Variants in TMEM156 observed in about 807,000 individuals in gnomAD.
The protein encoded by TMEM156 is transmembrane protein 156.
Under a neutral mutation model 30.5 loss-of-function variants are expected in TMEM156, and 28 were observed. That is an observed-to-expected ratio of 0.92 (90% CI 0.68 to 1.26). The LOEUF is 1.26. Ranked by LOEUF, TMEM156 falls within the 50% of genes most tolerant of loss-of-function variation. The probability of loss-of-function intolerance (pLI) is 0.00; values close to 1 mark genes in which losing one functional copy is unlikely to be tolerated. For synonymous variants in TMEM156, 137 were observed against 119.9 expected, an observed-to-expected ratio of 1.14 and a Z score of -0.93; for missense variants, 351 against 340.6, an observed-to-expected ratio of 1.03 and a Z score of -0.24.
At chr4:38,996,578 A>G (rs564514524) in intron 2 of TMEM156, among the ~76,000 whole-genome samples, 1 of 152,202 alleles carries the variant, frequency 6.6e-6, no homozygotes, top group Admixed American at 6.5e-5. Context: ...TCTCAAAAAG[A>G]AAAGAAAAGA....
chr4:39,027,004 T>G (rs6817780), intron 1 of TMEM156, among the ~76,000 whole-genome samples: 1,551 of 152,334 alleles, frequency 0.01, 29 homozygotes, highest in African/African-American at 0.036. Context: ...TCTAGTTTTA[T>G]TCCTTCTTTC....
At chr4:38,971,881 C>T (rs1352897274) in intron 5 of TMEM156, among the ~76,000 whole-genome samples, 2 of 151,992 alleles carry the variant, frequency 1.3e-5, no homozygotes, top group Non-Finnish European at 2.9e-5. Context: ...CCTCTGCCTC[C>T]CGGGTTCAAG....
At chr4:39,001,076 A>T (rs905734542) in intron 1 of TMEM156, among the ~76,000 whole-genome samples, 1 of 152,014 alleles carries the variant, frequency 6.6e-6, no homozygotes, top group Non-Finnish European at 1.5e-5. Flanking sequence ...TATCTTTCAG[A>T]AATTCCCAGT....
chr4:39,003,496 G>A (rs899560251), intron 1 of TMEM156, among the ~76,000 whole-genome samples: 6 of 151,934 alleles, frequency 3.9e-5, no homozygotes, highest in Non-Finnish European at 8.8e-5. Flanking sequence ...CACCACGCCC[G>A]GCTGATTTTG....
chr4:38,990,712 A>C (rs1433915571), intron 3 of TMEM156, among the ~76,000 whole-genome samples: 2 of 151,902 alleles, frequency 1.3e-5, no homozygotes, highest in African/African-American at 2.4e-5. Context: ...ATTATCTCAG[A>C]GTAAATTTGC....
chr4:39,000,736 A>C (rs2109984921), intron 1 of TMEM156, among the ~76,000 whole-genome samples: 1 of 151,890 alleles, frequency 6.6e-6, no homozygotes, highest in Admixed American at 6.6e-5. Context: ...AAAATACAAA[A>C]CTTAGCCAGG....
intron 2 of TMEM156, among the ~76,000 whole-genome samples, chr4:38,998,051 A>G (rs1434277280): frequency 2.0e-5 from 3 of 152,248 alleles, no homozygotes; most frequent in Non-Finnish European, 4.4e-5. Context: ...TTAAAGATTT[A>G]CTACTTTTGA....
intron 1 of TMEM156, among the ~76,000 whole-genome samples, chr4:39,007,427 A>ATTTTTTTATTTATTTATTTTTATTTCT: frequency 6.6e-6 from 1 of 151,238 alleles, no homozygotes; most frequent in Non-Finnish European, 1.5e-5. Flanking sequence ...TTATTTATTT[A>ATTTTTTTATTTATTTATTTTTATTTCT]TGTATTTATT....
At chr4:38,990,190 T>C (rs1306906866) in intron 3 of TMEM156, among the ~76,000 whole-genome samples, 1 of 152,234 alleles carries the variant, frequency 6.6e-6, no homozygotes, top group East Asian at 1.9e-4. Context: ...TATACCATGT[T>C]TATACTCTTG....
At chr4:38,982,187 T>G (rs1386238614) in intron 5 of TMEM156, among the ~76,000 whole-genome samples, 1 of 152,210 alleles carries the variant, frequency 6.6e-6, no homozygotes, top group Non-Finnish European at 1.5e-5. Flanking sequence ...TCTTTCTCCA[T>G]GCTGGATGCT....
chr4:38,990,194 A>G (rs1368294270), intron 3 of TMEM156, among the ~76,000 whole-genome samples: 2 of 152,084 alleles, frequency 1.3e-5, no homozygotes, highest in Non-Finnish European at 2.9e-5. Flanking sequence ...CCATGTTTAT[A>G]CTCTTGGTAT....
intron 5 of TMEM156, among the ~76,000 whole-genome samples, chr4:38,974,078 T>C (rs1432902616): frequency 6.6e-6 from 1 of 151,162 alleles, no homozygotes; most frequent in Non-Finnish European, 1.5e-5. Context: ...TGTGTGTGTG[T>C]GTGTGTATGT....
chr4:39,024,388 G>C (rs112925607), intron 1 of TMEM156, among the ~76,000 whole-genome samples: 4 of 152,298 alleles, frequency 2.6e-5, no homozygotes, highest in African/African-American at 9.6e-5. Context: ...GTATGTGATA[G>C]TAGTTACACA....
At chr4:39,028,285 G>A (rs1715329089) in intron 1 of TMEM156, 2 of 152,152 alleles carry the variant, frequency 1.3e-5, no homozygotes, top group Admixed American at 6.6e-5. Context: ...TTGATATACT[G>A]ATATGAGAAT....
chr4:38,979,611 A>G (rs1185289064), intron 5 of TMEM156, among the ~76,000 whole-genome samples: 1 of 152,214 alleles, frequency 6.6e-6, no homozygotes, highest in African/African-American at 2.4e-5. Flanking sequence ...GACCTTGGAA[A>G]TGATGTCCCT....
chr4:39,024,716 G>A (rs1715087517), intron 1 of TMEM156, among the ~76,000 whole-genome samples: 1 of 152,066 alleles, frequency 6.6e-6, no homozygotes, highest in Non-Finnish European at 1.5e-5. Flanking sequence ...TAACTAATGG[G>A]TACTAGGCTC....
At chr4:39,004,105 T>C (rs1713568990) in intron 1 of TMEM156, among the ~76,000 whole-genome samples, 1 of 152,224 alleles carries the variant, frequency 6.6e-6, no homozygotes, top group South Asian at 2.1e-4. Context: ...AGGTGGACTA[T>C]ATTCTCATCT....
intron 1 of TMEM156, among the ~76,000 whole-genome samples, chr4:39,027,841 C>T (rs1256665510): frequency 6.6e-6 from 1 of 151,160 alleles, no homozygotes; most frequent in Non-Finnish European, 1.5e-5. Flanking sequence ...ACTGCAACCT[C>T]CGCCTCCTGG....
Position 38,993,996 on chromosome 4 carries a change from G to A in TMEM156, c.361C>T (p.Leu121Phe). ...ACTTCCATTGATCCTCTCCTGATAA[G>A]AACTAGAAAGTGATTAAGAAAATGT... is the stretch of plus-strand genomic sequence containing the variant. ...FISQEQTSKV[L>F]IRRGSMEVKA... Residue 121 changes from leucine to phenylalanine, a missense_variant and splice_region_variant, in exon 3 of 7, where the codon CTT becomes TTT. Transcript: ENST00000381938. 1 of 1,605,648 alleles carries A rather than the reference G, an allele frequency of 6.2e-7. No individual in the cohort carries two copies. Among genetic ancestry groups the A allele is most frequent in the Non-Finnish European group, 8.5e-7 (1 of 1,173,944 alleles).
Sources: allele counts gnomAD v4.1 joint callset (sites outside exome capture counted in the v4.1 genomes callset), GRCh38; gene constraint gnomAD v4.1.1; transcripts MANE v1.5; gene names NCBI Gene and HGNC (gene_info 2026-07-23, HGNC 2026-07-21).